The following B3GNT7 variants were observed in gnomAD, a reference collection of about 807,000 sequenced individuals.
B3GNT7 encodes BGnT-7.
In B3GNT7, 9 loss-of-function variants were observed where a neutral mutation model predicts 5.1. The ratio of observed to expected loss-of-function variants is 1.77; its 90% confidence interval spans 1.07 to 3.09. The LOEUF (loss-of-function observed/expected upper bound fraction) is 3.09, where lower values mean the gene tolerates loss of function less well. Ranked by LOEUF, B3GNT7 falls within the 30% of genes most tolerant of loss-of-function variation. B3GNT7 has a pLI of 0.00. For synonymous variants in B3GNT7, 253 were observed against 248.6 expected (o/e 1.02, Z -0.17); for missense variants, 468 against 550.8 (o/e 0.85, Z 1.50).
chr2:231,399,097 C>T lies in B3GNT7; in HGVS notation c.*172C>T. ...TGCAGGTAGCCAGAAAGGGACCTCC[C>T]TGTGTGGATAATTCTAGGAAACTGA... On this transcript the variant is annotated 3_prime_UTR_variant, in exon 2 of 2. Transcript: ENST00000287590. 1 of 621,604 alleles carries T rather than the reference C, an allele frequency of 1.6e-6. No homozygotes were observed. Among genetic ancestry groups the T allele is most frequent in the Non-Finnish European group, 2.8e-6 (1 of 358,618 alleles). The allele number at this position is 621,604 out of a possible 1,614,324, so 38.5% of individuals were successfully genotyped here.
Position 231,398,326 on chromosome 2 carries a change from A to C in B3GNT7, c.607A>C (p.Ile203Leu). 6.2e-7 allele frequency: 1 copy of C among 1,613,444 alleles called. No individual in the cohort carries two copies. Among genetic ancestry groups the C allele is most frequent in the East Asian group, 2.2e-5 (1 of 44,876 alleles). Residue 203 changes from isoleucine to leucine, a missense_variant, in exon 2 of 2, where the codon ATC (isoleucine) becomes CTC (leucine). By Grantham distance (5) the Ile-to-Leu change is conservative. Coordinates refer to ENST00000287590, the MANE Select transcript of B3GNT7 (RefSeq NM_145236.3). The part of the protein sequence containing the change: ...LAYEDRLYGD[I>L]LQWGFLDTFF... ...CTACGAAGACCGCCTCTACGGCGAC[A>C]TCCTGCAGTGGGGCTTTCTCGACAC...
intron 1 of B3GNT7, 50 bp from the exon 2 acceptor site, chr2:231,397,681 C>G: frequency 2.0e-6 from 3 of 1,511,298 alleles, no homozygotes. Flanking sequence ...CCAGGAGAGC[C>G]CTGGGCTCAT....
intron 1 of B3GNT7, chr2:231,397,193 C>G: frequency 2.0e-6 from 2 of 985,536 alleles, no homozygotes; most frequent in Non-Finnish European, 2.4e-6. Context: ...ATGGAGCTCC[C>G]GGGCGGCACA....
At chr2:231,396,624 C>T (rs2046517078) in intron 1 of B3GNT7, among the ~76,000 whole-genome samples, 1 of 152,240 alleles carries the variant, frequency 6.6e-6, no homozygotes, top group South Asian at 2.1e-4. Context: ...CTGCCTGTCT[C>T]TCCTGGCACC....
At chr2:231,397,533 GAGGGCAGGGTGGGAGAAAGAA>G (rs900898612) in intron 1 of B3GNT7, among the ~76,000 whole-genome samples, 177 bp from the exon 2 acceptor site, 2 of 152,112 alleles carry the variant, frequency 1.3e-5, no homozygotes, top group South Asian at 2.1e-4. Flanking sequence ...TCCTTGAGGA[GAGGGCAGGGTGGGAGAAAGAA>G]AGGGCAGGGT....
rs2046506284 is a variant in B3GNT7 at position 231,395,713 on chromosome 2, C to A, written c.-91C>A. 2 of 1,121,098 alleles carry A rather than the reference C, an allele frequency of 1.8e-6. No individual in the cohort carries two copies. The highest frequency in any genetic ancestry group is 4.7e-5 in the East Asian group (1 of 21,076). 69.4% of individuals were successfully genotyped at this position (1,121,098 alleles called of 1,614,324 possible). On this transcript the variant is annotated 5_prime_UTR_variant, in exon 1 of 2. Transcript: ENST00000287590. This position sits in a 1 kb window ranked among gnomAD's most constrained non-coding sequence, Gnocchi z 7.3. ...CGCGGCGGGGGCGCGGCCCGGTCTC[C>A]GTCCCCACCCGCCCGCCGTCCCGCC...
chr2:231,398,419 CCCT>C lies in B3GNT7; in HGVS notation c.701_703del (p.Pro234_Phe235delinsLeu), dbSNP rs1559527402. On this transcript the variant is annotated inframe_deletion, in exon 2 of 2. Coordinates refer to ENST00000287590, the MANE Select transcript of B3GNT7 (RefSeq NM_145236.3). The stretch of plus-strand genomic sequence containing the variant: ...GCTGGACATCTACTGCCCCCACGTC[CCCT>C]TCATTTTCAAAGGCGACGATGACGT... 1 of 1,613,750 alleles carries C rather than the reference CCCT, an allele frequency of 6.2e-7. No individual in the cohort carries two copies. The highest frequency in any genetic ancestry group is 1.7e-5 in the Admixed American group (1 of 60,030).
At chr2:231,397,349 G>A in intron 1 of B3GNT7, 1 of 733,054 alleles carries the variant, frequency 1.4e-6, no homozygotes, top group Non-Finnish European at 1.7e-6. Flanking sequence ...TTCCACCTGA[G>A]GCCCTCCTGT....
At position 231,398,980 on chromosome 2, in the gene B3GNT7, A is replaced by T. The variant is rs1369904722; in HGVS notation, c.*55A>T. ...GCACTTGCTCCTGAGCCCCCATGGTATTGGGGCTGGAGCCACAGTGCCCAG... is the reference window on the plus strand; with the variant it reads ...GCACTTGCTCCTGAGCCCCCATGGTTTTGGGGCTGGAGCCACAGTGCCCAG... On this transcript the variant is annotated 3_prime_UTR_variant, in exon 2 of 2. Transcript: ENST00000287590. 1.0e-5 allele frequency: 15 copies of T among 1,452,528 alleles called. No individual in the cohort carries two copies. The Admixed American group carries it at 3.2e-4, about 31-fold the overall frequency. The allele number at this position is 1,452,528 out of a possible 1,614,324, so 90.0% of individuals were successfully genotyped here.
Position 231,400,639 on chromosome 2 carries a change from G to A in B3GNT7, c.*1714G>A, listed in dbSNP as rs114187326. 8.7e-3 allele frequency: 1,327 copies of A among 152,750 alleles called. 16 individuals are homozygous for A. Among genetic ancestry groups the A allele is most frequent in the African/African-American group, 0.029 (1,206 of 41,552 alleles). The allele number at this position is 152,750 out of a possible 1,614,324, so 9.5% of individuals were successfully genotyped here. ...TATGAGCAAGCCAGCCAGCAGCTCCGTGCCTGCACCCAGCTCAGGGGAATC... is the reference window on the plus strand; with the variant it reads ...TATGAGCAAGCCAGCCAGCAGCTCCATGCCTGCACCCAGCTCAGGGGAATC... On this transcript the variant is annotated 3_prime_UTR_variant, in exon 2 of 2. Transcript: ENST00000287590.
Position 231,398,881 on chromosome 2 carries a change from G to A in B3GNT7, c.1162G>A (p.Val388Met), listed in dbSNP as rs1412475244. The A allele has an allele frequency of 2.5e-6, 4 of 1,595,384 alleles. No individual in the cohort carries two copies. Among genetic ancestry groups the A allele is most frequent in the East Asian group, 4.5e-5 (2 of 44,746 alleles). The change falls in exon 2 of 2, where the codon GTG (valine) becomes ATG (methionine). Residue 388 changes from valine to methionine, a missense_variant. Physicochemically the swap from Val to Met is conservative, Grantham distance 21. Transcript: ENST00000287590. ...TGAGCTGCTCGCCATGTGGGGGCTG[G>A]TGCACAGCAATCTCACCTGCTCCCG... ...PPELLAMWGL[V>M]HSNLTCSRKL... is the part of the protein sequence containing the mutation.
intron 1 of B3GNT7, 55 bp from the exon 2 acceptor site, chr2:231,397,676 A>G: frequency 6.7e-7 from 1 of 1,483,302 alleles, no homozygotes. Context: ...GGGCGCCAGG[A>G]GAGCCCTGGG....
chr2:231,399,111 C>T lies in B3GNT7; in HGVS notation c.*186C>T. Reference sequence around the variant, plus strand: ...AAGGGACCTCCCTGTGTGGATAATTCTAGGAAACTGAGGCCCAGGAACGGT... The same window carrying T: ...AAGGGACCTCCCTGTGTGGATAATTTTAGGAAACTGAGGCCCAGGAACGGT... On this transcript the variant is annotated 3_prime_UTR_variant, in exon 2 of 2. Transcript: ENST00000287590. The T allele has an allele frequency of 1.6e-6, 1 of 609,322 alleles. No homozygotes were observed. The highest frequency in any genetic ancestry group is 2.9e-6 in the Non-Finnish European group (1 of 349,396). The allele number at this position is 609,322 out of a possible 1,614,324, so 37.7% of individuals were successfully genotyped here. A position where few individuals can be genotyped will look rare whatever the true frequency, so the allele number is the denominator to read the frequency against.
chr2:231,399,485 T>G lies in B3GNT7; in HGVS notation c.*560T>G, dbSNP rs2125614241. The G allele has an allele frequency of 6.5e-6, 1 of 154,782 alleles. No homozygotes were observed. Among genetic ancestry groups the G allele is most frequent in the East Asian group, 1.9e-4 (1 of 5,196 alleles). The allele number at this position is 154,782 out of a possible 1,614,324, so 9.6% of individuals were successfully genotyped here. ...GGCTCTCCGCAGCCCCAGGCCTGCC[T>G]GGAGACGGGCCGCCTCTGCCACAGG... On this transcript the variant is annotated 3_prime_UTR_variant, in exon 2 of 2. Transcript: ENST00000287590.
rs1212439816 is a variant in B3GNT7 at position 231,398,536 on chromosome 2, C to G, written c.817C>G (p.Arg273Gly). ...CGTGGGCGATGTCCTGCAGCACGCT[C>G]GGCCCATTCGCAGGAAAGACAACAA... ...LFVGDVLQHA[R>G]PIRRKDNKYY... Residue 273 changes from arginine to glycine, a missense_variant, in exon 2 of 2, where the codon CGG (arginine) becomes GGG (glycine). Transcript: ENST00000287590. The G allele has an allele frequency of 6.2e-7, 1 of 1,613,542 alleles. No homozygotes were observed. Among genetic ancestry groups the G allele is most frequent in the Non-Finnish European group, 8.5e-7 (1 of 1,179,796 alleles).
Position 231,399,281 on chromosome 2 carries a change from G to T in B3GNT7, c.*356G>T. The T allele has an allele frequency of 3.6e-6, 1 of 280,554 alleles. No individual in the cohort carries two copies. The highest frequency in any genetic ancestry group is 6.7e-6 in the Non-Finnish European group (1 of 148,400). The allele number at this position is 280,554 out of a possible 1,614,324, so 17.4% of individuals were successfully genotyped here. On this transcript the variant is annotated 3_prime_UTR_variant, in exon 2 of 2. Transcript: ENST00000287590. ...GAGGAACGCTGTGCTCAGGTACCTG[G>T]GCTAGGCCTGGCCTGATGGGTCTGT...
Position 231,398,653 on chromosome 2 carries a change from C to T in B3GNT7, c.934C>T (p.Arg312Cys). The T allele has an allele frequency of 1.9e-5, 30 of 1,611,958 alleles. No homozygotes were observed. The highest frequency in any genetic ancestry group is 2.5e-5 in the Non-Finnish European group (29 of 1,179,584). Residue 312 changes from arginine to cysteine, a missense_variant, in exon 2 of 2, where the codon CGC becomes TGC. By Grantham distance (180) the Arg-to-Cys change is radical. Transcript: ENST00000287590. ...GFLMAGSLAR[R>C]LHHACDTLEL... ...CCTCATGGCCGGCAGCCTGGCCCGG[C>T]GCCTGCACCATGCCTGCGACACCCT...
chr2:231,398,880 G>GT lies in B3GNT7; in HGVS notation c.1161_1162insT (p.Val388CysfsTer44), dbSNP rs1360094242. The GT allele has an allele frequency of 6.3e-6, 10 of 1,595,378 alleles. No individual in the cohort carries two copies. Among genetic ancestry groups the GT allele is most frequent in the Non-Finnish European group, 7.6e-6 (9 of 1,178,256 alleles). On this transcript the variant is annotated frameshift_variant, in exon 2 of 2. Coordinates refer to ENST00000287590, the MANE Select transcript of B3GNT7 (RefSeq NM_145236.3). LOFTEE classifies it high-confidence loss of function. Reference sequence around the variant, plus strand: ...CTGAGCTGCTCGCCATGTGGGGGCTGGTGCACAGCAATCTCACCTGCTCCC... The same window carrying GT: ...CTGAGCTGCTCGCCATGTGGGGGCTGTGTGCACAGCAATCTCACCTGCTCCC...
In B3GNT7 at chr2:231,398,561, A is replaced by C; in HGVS notation, c.842A>C (p.Lys281Thr). Reference protein sequence around the residue: ...HARPIRRKDNKYYIPGALYGK... With the variant: ...HARPIRRKDNTYYIPGALYGK... ...CGGCCCATTCGCAGGAAAGACAACA[A>C]ATACTACATCCCGGGGGCCCTGTAC... is the stretch of plus-strand genomic sequence containing the variant. The change falls in exon 2 of 2, where the codon AAA becomes ACA. Residue 281 changes from lysine (K) to threonine (T), a missense_variant. Physicochemically the swap from Lys to Thr is moderately conservative, Grantham distance 78. Coordinates refer to ENST00000287590, the MANE Select transcript of B3GNT7 (RefSeq NM_145236.3). 1 of 1,613,176 alleles carries C rather than the reference A, an allele frequency of 6.2e-7. No homozygotes were observed. Among genetic ancestry groups the C allele is most frequent in the Non-Finnish European group, 8.5e-7 (1 of 1,179,602 alleles).
Sources: allele counts gnomAD v4.1 joint callset (sites outside exome capture counted in the v4.1 genomes callset), GRCh38; gene constraint gnomAD v4.1.1; non-coding constraint Gnocchi (gnomAD v3.1); transcripts MANE v1.5; gene names NCBI Gene and HGNC (gene_info 2026-07-23, HGNC 2026-07-21).